Variants in CFAP54 observed in about 807,000 individuals in gnomAD.
CFAP54 encodes cilia and flagella associated protein 54, also known as cilia- and flagella-associated protein 54.
A neutral mutation model predicts 370.4 loss-of-function variants in CFAP54; 290 were observed. The ratio of observed to expected loss-of-function variants is 0.78; its 90% CI spans 0.71 to 0.86. CFAP54 has a LOEUF of 0.86. Among genes scored for constraint, CFAP54 ranks in the 40% least tolerant of loss-of-function variants. The pLI, the probability that CFAP54 is intolerant of heterozygous loss-of-function variation, is 0.00. For missense variants in CFAP54, 3,399 were observed against 3,528.7 expected, an observed-to-expected ratio of 0.96 and a Z score of 0.93; for synonymous variants, 1,206 against 1,236.5, an observed-to-expected ratio of 0.98 and a Z score of 0.52.
chr12:96,745,089 T>C (rs890723510), intron 55 of CFAP54, among the ~76,000 whole-genome samples: 3 of 152,262 alleles, frequency 2.0e-5, no homozygotes, highest in Non-Finnish European at 4.4e-5. Flanking sequence ...CAGTCTATCA[T>C]TGATGGGCAT....
At chr12:96,686,038 C>T (rs1161981698) in intron 42 of CFAP54, among the ~76,000 whole-genome samples, 1 of 151,926 alleles carries the variant, frequency 6.6e-6, no homozygotes, top group Non-Finnish European at 1.5e-5. Flanking sequence ...AAATTACATG[C>T]TATACTGCAT....
At chr12:96,783,187 T>C (rs1565976709) in intron 60 of CFAP54, among the ~76,000 whole-genome samples, 1 of 152,306 alleles carries the variant, frequency 6.6e-6, no homozygotes, top group African/African-American at 2.4e-5. Context: ...AGGACAGATA[T>C]GGGATTAGTA....
intron 63 of CFAP54, among the ~76,000 whole-genome samples, chr12:96,811,326 A>G (rs1303908164): frequency 1.3e-5 from 2 of 152,204 alleles, no homozygotes; most frequent in African/African-American, 4.8e-5. Flanking sequence ...TGGAGAGAAG[A>G]GGAAGGCAAC....
At chr12:96,554,937 A>G (rs1955736668) in intron 17 of CFAP54, 135 bp downstream of exon 17, 5 of 682,152 alleles carry the variant, frequency 7.3e-6, no homozygotes, top group Non-Finnish European at 8.5e-6. Flanking sequence ...CTACTTCCCT[A>G]ATTAATATCA....
chr12:96,612,782 A>G (rs527939709), intron 26 of CFAP54, among the ~76,000 whole-genome samples: 1 of 152,368 alleles, frequency 6.6e-6, no homozygotes, highest in South Asian at 2.1e-4. Flanking sequence ...GAAGACCATT[A>G]CATAATGGTA....
intron 39 of CFAP54, among the ~76,000 whole-genome samples, chr12:96,667,285 C>A (rs1957091647): frequency 6.6e-6 from 1 of 152,212 alleles, no homozygotes; most frequent in African/African-American, 2.4e-5. Context: ...CTCCACTAGG[C>A]AGTACCCCAG....
intron 32 of CFAP54, among the ~76,000 whole-genome samples, chr12:96,640,958 A>G (rs1163622106): frequency 6.6e-6 from 1 of 152,092 alleles, no homozygotes; most frequent in Admixed American, 6.5e-5. Flanking sequence ...TGTTAGACCT[A>G]AAACCATAAA....
chr12:96,563,339 C>T (rs1240683833), intron 17 of CFAP54, among the ~76,000 whole-genome samples: 1 of 152,152 alleles, frequency 6.6e-6, no homozygotes, highest in Admixed American at 6.5e-5. Flanking sequence ...CTTTGTTCCC[C>T]TACCTTGTCT....
chr12:96,495,819 T>C (rs749431781), intron 1 of CFAP54, among the ~76,000 whole-genome samples: 13 of 152,194 alleles, frequency 8.5e-5, no homozygotes, highest in Non-Finnish European at 1.6e-4. Flanking sequence ...TCTTTCTTAT[T>C]ATATAATCTT....
intron 29 of CFAP54, 48 bp downstream of exon 29, chr12:96,625,855 A>G: frequency 7.6e-7 from 1 of 1,313,858 alleles, no homozygotes; most frequent in Non-Finnish European, 1.0e-6. Flanking sequence ...TTATCACTGA[A>G]GAGAATTAAT....
chr12:96,620,227 T>A (rs1956470529), intron 26 of CFAP54, among the ~76,000 whole-genome samples: 1 of 152,214 alleles, frequency 6.6e-6, no homozygotes, highest in African/African-American at 2.4e-5. Flanking sequence ...AGTTGTTATT[T>A]ATTGATATGG....
chr12:96,750,505 T>C (rs1427803827), intron 55 of CFAP54, among the ~76,000 whole-genome samples: 1 of 152,252 alleles, frequency 6.6e-6, no homozygotes, highest in Non-Finnish European at 1.5e-5. Context: ...TTCCCCTTTA[T>C]ATTAAGTTTC....
intron 60 of CFAP54, among the ~76,000 whole-genome samples, chr12:96,774,515 A>G (rs1225343906): frequency 2.0e-5 from 3 of 152,086 alleles, no homozygotes; most frequent in African/African-American, 7.2e-5. Context: ...TTCTGGTTTC[A>G]ATACATTTTT....
intron 66 of CFAP54, among the ~76,000 whole-genome samples, chr12:96,848,723 G>C (rs1253149542): frequency 1.3e-5 from 2 of 152,164 alleles, no homozygotes; most frequent in Admixed American, 6.5e-5. Flanking sequence ...GATTTCTACT[G>C]TCTCACCAAT....
At position 96,647,923 on chromosome 12, in the gene CFAP54, A is replaced by T; in HGVS notation, c.4596A>T (p.Thr1532=). The T allele has an allele frequency of 6.6e-7, 1 of 1,515,004 alleles. No individual in the cohort carries two copies. Among genetic ancestry groups the T allele is most frequent in the Non-Finnish European group, 8.8e-7 (1 of 1,139,456 alleles). The allele number at this position is 1,515,004 out of a possible 1,614,324, so 93.8% of individuals were successfully genotyped here. A position where few individuals can be genotyped will look rare whatever the true frequency, so the allele number is the denominator to read the frequency against. The change falls in exon 34 of 68, where the codon ACA becomes ACT. Residue 1532 remains threonine (T), a synonymous_variant. Transcript: ENST00000524981. ...TGTTTTCACTGTATAATTCAGGAAC[A>T]GTATTACCAACAAGAAAATTGACTG... ...PNMFSLYNSG[T]VLPTRKLTVE... is the part of the protein sequence containing the mutation.
intron 33 of CFAP54, chr12:96,645,204 G>C (rs1028251560): frequency 6.6e-6 from 3 of 455,818 alleles, no homozygotes; most frequent in African/African-American, 6.0e-5. Flanking sequence ...TGCTGTGAGA[G>C]ATAAAAATAG....
chr12:96,599,940 TC>T (rs1477842943), intron 26 of CFAP54, among the ~76,000 whole-genome samples: 3 of 152,234 alleles, frequency 2.0e-5, no homozygotes, highest in Non-Finnish European at 4.4e-5. Flanking sequence ...AAAAATTTTC[TC>T]CCATTCTGTA....
At chr12:96,616,230 G>A (rs1486834042) in intron 26 of CFAP54, among the ~76,000 whole-genome samples, 3 of 152,292 alleles carry the variant, frequency 2.0e-5, no homozygotes, top group Admixed American at 1.3e-4. Flanking sequence ...GATGAAGCTG[G>A]AAACCATCAT....
intron 46 of CFAP54, among the ~76,000 whole-genome samples, chr12:96,703,851 T>C (rs1957517766): frequency 6.6e-6 from 1 of 152,190 alleles, no homozygotes; most frequent in Non-Finnish European, 1.5e-5. Flanking sequence ...TATATTCATA[T>C]CTTTTGACCC....
Sources: gnomAD v4.1 joint callset for allele counts (sites outside exome capture counted in the v4.1 genomes callset) on GRCh38, gnomAD v4.1.1 for gene constraint, MANE v1.5 for transcripts, NCBI Gene and HGNC (gene_info 2026-07-23, HGNC 2026-07-21) for gene names.